The following SOX5 variants were observed in gnomAD, a reference collection of about 807,000 sequenced individuals.
SOX5 encodes the protein SRY-box transcription factor 5, also known as transcription factor SOX-5.
A neutral mutation model predicts 92.0 loss-of-function variants in SOX5; 9 were observed. The ratio of observed to expected loss-of-function variants is 0.10; its 90% CI spans 0.06 to 0.17. The LOEUF (loss-of-function observed/expected upper bound fraction) is 0.17. Ranked by LOEUF, SOX5 falls within the 10% of genes least tolerant of loss-of-function variation. The pLI is 1.00. For missense variants in SOX5, 642 were observed against 944.5 expected (o/e 0.68, Z 4.20); for synonymous variants, 344 against 336.3 (o/e 1.02, Z -0.25).
intron 4 of SOX5, among the ~76,000 whole-genome samples, chr12:24,058,998 C>A (rs193290928): frequency 6.6e-6 from 1 of 152,144 alleles, no homozygotes; most frequent in Non-Finnish European, 1.5e-5. Context: ...ATAGCCAAGA[C>A]TAAAGAAACA....
At chr12:24,541,560 T>C (rs2138809430) in intron 1 of SOX5, among the ~76,000 whole-genome samples, 2 of 152,326 alleles carry the variant, frequency 1.3e-5, no homozygotes, top group South Asian at 4.1e-4. Flanking sequence ...GAATTATTGA[T>C]GAAATTGCAA....
intron 3 of SOX5, among the ~76,000 whole-genome samples, chr12:23,829,661 A>G (rs752341316): frequency 6.6e-6 from 1 of 152,190 alleles, no homozygotes; most frequent in Non-Finnish European, 1.5e-5. Context: ...GAGGGACTTA[A>G]GAAGTACCAG....
In SOX5 at chr12:23,828,133, A is replaced by C. The variant is rs533358231; in HGVS notation, c.481+17850T>G. Among the ~76,000 whole-genome samples the C allele has an allele frequency of 8.5e-5, 13 of 152,154 alleles. No homozygotes were observed. The East Asian group carries it at 2.3e-3, about 27-fold the overall frequency. ...TTTATGTGTAGATACACAAATACTTACTTTTTTGTTACAATTGCCTACCAT... is the reference window on the plus strand; with the variant it reads ...TTTATGTGTAGATACACAAATACTTCCTTTTTTGTTACAATTGCCTACCAT... On this transcript the variant is annotated intron_variant, in intron 3 of 14. Coordinates refer to ENST00000451604, the MANE Select transcript of SOX5 (RefSeq NM_006940.6).
chr12:24,346,794 C>A (rs1037300912), intron 2 of SOX5, among the ~76,000 whole-genome samples: 2 of 151,706 alleles, frequency 1.3e-5, no homozygotes, highest in African/African-American at 4.8e-5. Flanking sequence ...TGGTGTACAC[C>A]GCATGTTCTC....
At chr12:24,442,697 C>T (rs1940830859) in intron 1 of SOX5, among the ~76,000 whole-genome samples, 1 of 152,090 alleles carries the variant, frequency 6.6e-6, no homozygotes, top group Non-Finnish European at 1.5e-5. Flanking sequence ...GGGAGCTGTC[C>T]CAGCATATTA....
chr12:23,919,057 G>T (rs765302737), intron 1 of SOX5, among the ~76,000 whole-genome samples: 2 of 152,122 alleles, frequency 1.3e-5, no homozygotes, highest in Non-Finnish European at 2.9e-5. Context: ...GAGACTGAAA[G>T]GTAATTAATA....
chr12:24,500,155 G>T (rs1272831547), intron 1 of SOX5, among the ~76,000 whole-genome samples: 1 of 152,114 alleles, frequency 6.6e-6, no homozygotes, highest in East Asian at 1.9e-4. Flanking sequence ...CCATCTTTAT[G>T]TGGTGAGTGT....
chr12:24,252,669 T>G (rs1940340070), intron 3 of SOX5, among the ~76,000 whole-genome samples: 1 of 151,394 alleles, frequency 6.6e-6, no homozygotes, highest in Non-Finnish European at 1.5e-5. Context: ...AGGAAATTGT[T>G]GAATTCTGTG....
chr12:24,330,387 G>A (rs1951170376), intron 2 of SOX5, among the ~76,000 whole-genome samples: 1 of 152,202 alleles, frequency 6.6e-6, no homozygotes, highest in African/African-American at 2.4e-5. Flanking sequence ...GTACAAAGGT[G>A]TGATCTGGGC....
At chr12:23,589,278 CAATT>C (rs1015844569) in intron 9 of SOX5, among the ~76,000 whole-genome samples, 1 of 151,734 alleles carries the variant, frequency 6.6e-6, no homozygotes, top group Non-Finnish European at 1.5e-5. Flanking sequence ...TTTGAACTAT[CAATT>C]AAACAATATA....
chr12:24,011,013 C>T (rs1002458761), intron 4 of SOX5, among the ~76,000 whole-genome samples: 10 of 151,854 alleles, frequency 6.6e-5, no homozygotes, highest in Non-Finnish European at 1.5e-4. Flanking sequence ...GACTAAATCC[C>T]AAATGACAAC....
chr12:23,650,457 C>T (rs1377473161), intron 7 of SOX5, among the ~76,000 whole-genome samples: 1 of 152,108 alleles, frequency 6.6e-6, no homozygotes, highest in East Asian at 1.9e-4. Context: ...GTTCTTACCA[C>T]TCTCATTTCC....
At position 23,971,121 on chromosome 12, in the gene SOX5, CTTTT is replaced by C. The variant is rs71059953; in HGVS notation, c.-1-75101_-1-75098del. On this transcript the variant is annotated intron_variant, in intron 4 of 4. Coordinates refer to the SOX5 transcript ENST00000446891. ...CCATCTGAGTAGGTGTGTCAGCTGACTTTTTTTTTTTTTTTTTTTGAGAGGGAGT... is the reference window on the plus strand; with the variant it reads ...CCATCTGAGTAGGTGTGTCAGCTGACTTTTTTTTTTTTTTTGAGAGGGAGT... Among the ~76,000 whole-genome samples the C allele has an allele frequency of 6.7e-4, 58 of 86,224 alleles. 3 individuals carry two copies. The highest frequency in any genetic ancestry group is 8.3e-3 in the Middle Eastern group (1 of 120). The allele number at this position is 86,224 out of a possible 152,430, so 56.6% of individuals were successfully genotyped here. A position where few individuals can be genotyped will look rare whatever the true frequency, so the allele number is the denominator to read the frequency against.
Position 24,436,715 on chromosome 12 carries a change from C to T in SOX5, c.-250-68076G>A, listed in dbSNP as rs377669117. Among the ~76,000 whole-genome samples, 20 of 152,260 alleles carry T rather than the reference C, an allele frequency of 1.3e-4. No individual in the cohort carries two copies. The East Asian group carries it at 2.9e-3, about 22-fold the overall frequency. On this transcript the variant is annotated intron_variant, in intron 1 of 4. Coordinates refer to the SOX5 transcript ENST00000446891. The stretch of plus-strand genomic sequence containing the variant: ...CACATTTTCATTGTAGATAAAACAG[C>T]CTTATATTTGAAGAAGATGCCATCT...
At chr12:24,408,080 C>T (rs759472834) in intron 1 of SOX5, among the ~76,000 whole-genome samples, 4 of 151,980 alleles carry the variant, frequency 2.6e-5, no homozygotes, top group Non-Finnish European at 4.4e-5. Flanking sequence ...ATGTTCCAGA[C>T]GAGGAAATGG....
chr12:24,536,224 A>G (rs1951629062), intron 1 of SOX5, among the ~76,000 whole-genome samples: 1 of 152,216 alleles, frequency 6.6e-6, no homozygotes, highest in Non-Finnish European at 1.5e-5. Flanking sequence ...TAGTTGACCT[A>G]TAGGATTCTG....
At chr12:23,707,838 G>A (rs900474655) in intron 6 of SOX5, among the ~76,000 whole-genome samples, 3 of 151,970 alleles carry the variant, frequency 2.0e-5, no homozygotes, top group African/African-American at 7.2e-5. Context: ...CTGAAAATGT[G>A]GCTGATTGTA....
At position 23,685,812 on chromosome 12, in the gene SOX5, G is replaced by A. The variant is rs2087456451; in HGVS notation, c.811-20248C>T. On this transcript the variant is annotated intron_variant, in intron 6 of 14. Transcript: ENST00000451604. ...TAATTTGAAACTACTGATTTACCATGTGACTTCATTGTAATTATTCAATAC... is the reference window on the plus strand; with the variant it reads ...TAATTTGAAACTACTGATTTACCATATGACTTCATTGTAATTATTCAATAC... 2.0e-5 allele frequency among the ~76,000 whole-genome samples: 3 copies of A among 152,214 alleles called. No homozygotes were observed. The South Asian group carries it at 6.2e-4, about 32-fold the overall frequency.
At chr12:23,796,844 G>A (rs981346140) in intron 3 of SOX5, among the ~76,000 whole-genome samples, 1 of 146,702 alleles carries the variant, frequency 6.8e-6, no homozygotes, top group African/African-American at 2.5e-5. Context: ...ACATTGCAAA[G>A]CCTTAAGACA....
Sources: gnomAD v4.1 joint callset for allele counts (sites outside exome capture counted in the v4.1 genomes callset) on GRCh38, gnomAD v4.1.1 for gene constraint, MANE v1.5 for transcripts, NCBI Gene and HGNC (gene_info 2026-07-23, HGNC 2026-07-21) for gene names.